Variants in FBXW7 observed in about 807,000 individuals in gnomAD.
The protein encoded by FBXW7 is F-box/WD repeat-containing protein 7.
In FBXW7, 11 loss-of-function variants were observed where a neutral mutation model predicts 86.3. The observed-to-expected ratio is 0.13, with a 90% CI of 0.08 to 0.21. The LOEUF is 0.21. FBXW7 is among the 10% of genes least tolerant of loss of function. The probability of loss-of-function intolerance (pLI) is 1.00; values close to 1 mark genes in which losing one functional copy is unlikely to be tolerated. For synonymous variants in FBXW7, 313 were observed against 297.9 expected (o/e 1.05, Z -0.52); for missense variants, 488 against 847.4 (o/e 0.58, Z 5.27).
chr4:152,468,662 T>C (rs1242848204), intron 2 of FBXW7, among the ~76,000 whole-genome samples: 1 of 152,142 alleles, frequency 6.6e-6, no homozygotes. Flanking sequence ...GGTAGTTGCA[T>C]AACTTGGTGA....
Position 152,456,435 on chromosome 4 carries a change from C to A in FBXW7, c.-119-43906G>T, listed in dbSNP as rs1742429017. Among the ~76,000 whole-genome samples the A allele has an allele frequency of 2.7e-5, 4 of 149,502 alleles. No individual in the cohort carries two copies. The South Asian group carries it at 8.5e-4, about 32-fold the overall frequency. On this transcript the variant is annotated intron_variant, in intron 2 of 13. Coordinates refer to ENST00000281708, the MANE Select transcript of FBXW7 (RefSeq NM_001349798.2). ...TCTGTAGTCCCAGCTACTCAGGAGG[C>A]TGAGGCAGGGGGATCACTTGAACTC...
At chr4:152,425,524 TG>T (rs1163276087) in intron 2 of FBXW7, among the ~76,000 whole-genome samples, 1 of 151,966 alleles carries the variant, frequency 6.6e-6, no homozygotes, top group Non-Finnish European at 1.5e-5. Flanking sequence ...CCTAGTAGAA[TG>T]GCCAACTACC....
intron 2 of FBXW7, among the ~76,000 whole-genome samples, chr4:152,425,819 G>T (rs189772505): frequency 6.6e-6 from 1 of 152,254 alleles, no homozygotes; most frequent in Non-Finnish European, 1.5e-5. Context: ...GGCCACATAT[G>T]ATAGTTCTCT....
chr4:152,504,342 T>C (rs945248272), intron 2 of FBXW7, among the ~76,000 whole-genome samples: 2 of 152,178 alleles, frequency 1.3e-5, no homozygotes, highest in Non-Finnish European at 2.9e-5. Context: ...AATCAACATA[T>C]ATAAATTTTA....
intron 2 of FBXW7, among the ~76,000 whole-genome samples, chr4:152,491,103 G>A (rs768827774): frequency 5.3e-5 from 8 of 152,078 alleles, no homozygotes; most frequent in South Asian, 2.1e-4. Context: ...AGGACTTTCC[G>A]GATATAGTTC....
intron 2 of FBXW7, among the ~76,000 whole-genome samples, chr4:152,461,448 C>G (rs544886872): frequency 1.5e-4 from 23 of 151,874 alleles, no homozygotes; most frequent in Non-Finnish European, 3.4e-4. Flanking sequence ...TATGTTTTTT[C>G]CCAACTATTT....
intron 2 of FBXW7, among the ~76,000 whole-genome samples, chr4:152,455,433 G>A (rs1742315994): frequency 1.3e-5 from 2 of 152,090 alleles, no homozygotes; most frequent in Admixed American, 1.3e-4. Flanking sequence ...GTCTCTTTAT[G>A]ATGATTTAGG....
chr4:152,345,528 A>G (rs1731179820), intron 6 of FBXW7, among the ~76,000 whole-genome samples: 1 of 152,046 alleles, frequency 6.6e-6, no homozygotes, highest in African/African-American at 2.4e-5. Context: ...GCCTCTACTT[A>G]CTAGATGCCA....
chr4:152,518,667 C>T (rs1748729109), intron 2 of FBXW7, among the ~76,000 whole-genome samples: 2 of 152,118 alleles, frequency 1.3e-5, no homozygotes, highest in African/African-American at 4.8e-5. Flanking sequence ...ATTAAAATTT[C>T]TGAAAAGGGC....
intron 4 of FBXW7, among the ~76,000 whole-genome samples, chr4:152,374,717 G>C (rs1244463147): frequency 6.6e-6 from 1 of 151,994 alleles, no homozygotes; most frequent in Non-Finnish European, 1.5e-5. Context: ...AGCCCATATA[G>C]TATGCCTAAG....
At chr4:152,520,403 G>A (rs980385418) in intron 2 of FBXW7, among the ~76,000 whole-genome samples, 1 of 146,712 alleles carries the variant, frequency 6.8e-6, no homozygotes, top group Non-Finnish European at 1.5e-5. Context: ...ACTGCAGTCC[G>A]CAGTCCGGCC....
intron 11 of FBXW7, among the ~76,000 whole-genome samples, chr4:152,327,801 G>A (rs913907472): frequency 6.6e-6 from 1 of 151,980 alleles, no homozygotes; most frequent in Non-Finnish European, 1.5e-5. Context: ...TAGAGATAGG[G>A]TGGGTGTAAG....
intron 2 of FBXW7, among the ~76,000 whole-genome samples, chr4:152,425,737 C>T (rs1391927169): frequency 6.6e-6 from 1 of 151,812 alleles, no homozygotes; most frequent in Non-Finnish European, 1.5e-5. Flanking sequence ...GAGAGTTTTT[C>T]GAAACCTGGA....
intron 2 of FBXW7, among the ~76,000 whole-genome samples, chr4:152,442,501 T>C (rs1225717858): frequency 6.6e-6 from 1 of 152,236 alleles, no homozygotes; most frequent in East Asian, 1.9e-4. Context: ...TTGTTGTCTG[T>C]CTCTCTCATT....
chr4:152,427,034 CAAAT>C (rs1209435284), intron 2 of FBXW7, among the ~76,000 whole-genome samples: 2 of 152,044 alleles, frequency 1.3e-5, no homozygotes, highest in African/African-American at 4.8e-5. Context: ...TTGAGAAAAA[CAAAT>C]AGGATGGTGA....
chr4:152,365,744 C>A (rs976517286), intron 4 of FBXW7, among the ~76,000 whole-genome samples: 1 of 152,036 alleles, frequency 6.6e-6, no homozygotes, highest in Non-Finnish European at 1.5e-5. Context: ...CTGGTTCTGG[C>A]CCAGAAGAAA....
At chr4:152,397,626 C>T (rs34937247) in intron 4 of FBXW7, among the ~76,000 whole-genome samples, 3 of 140,624 alleles carry the variant, frequency 2.1e-5, no homozygotes, top group South Asian at 4.4e-4. Context: ...TCATGACTCT[C>T]TTCACACATT....
intron 2 of FBXW7, among the ~76,000 whole-genome samples, chr4:152,422,391 C>T (rs1739023924): frequency 6.6e-6 from 1 of 152,118 alleles, no homozygotes; most frequent in East Asian, 1.9e-4. Flanking sequence ...GAGTATTGTA[C>T]TGAAGAGTTT....
rs1378565023 is a variant in FBXW7 at position 152,464,974 on chromosome 4, G to A, written c.-119-52445C>T. Among the ~76,000 whole-genome samples the A allele has an allele frequency of 2.0e-5, 3 of 152,290 alleles. No homozygotes were observed. The East Asian group carries it at 5.8e-4, about 29-fold the overall frequency. Reference sequence around the variant, plus strand: ...CAATTAGAATAATCCAAGTCCAGTTGAGCCTTTCTGAGTAAGATTAGTAAT... The same window carrying A: ...CAATTAGAATAATCCAAGTCCAGTTAAGCCTTTCTGAGTAAGATTAGTAAT... On this transcript the variant is annotated intron_variant, in intron 2 of 13. Transcript: ENST00000281708.
Sources: gnomAD v4.1 joint callset for allele counts (sites outside exome capture counted in the v4.1 genomes callset) on GRCh38, gnomAD v4.1.1 for gene constraint, MANE v1.5 for transcripts, NCBI Gene and HGNC (gene_info 2026-07-23, HGNC 2026-07-21) for gene names.